Variants in CLCN5 observed in about 807,000 individuals in gnomAD.
CLCN5 encodes the protein Cl-/H+ antiporter 5, also known as H(+)/Cl(-) exchange transporter 5.
Under a neutral mutation model 54.0 loss-of-function variants are expected in CLCN5, and 17 were observed. The observed-to-expected ratio is 0.31, with a 90% CI of 0.22 to 0.47. The LOEUF (loss-of-function observed/expected upper bound fraction) is 0.47, where lower values mean the gene tolerates loss of function less well. Among genes scored for constraint, CLCN5 ranks in the 20% least tolerant of loss-of-function variants. The pLI is 1.00. For missense variants in CLCN5, 448 were observed against 646.7 expected (o/e 0.69, Z 3.33); for synonymous variants, 222 against 233.0 (o/e 0.95, Z 0.43).
intron 4 of CLCN5, among the ~76,000 whole-genome samples, chrX:50,066,289 A>C (rs1044434551): frequency 9.1e-6 from 1 of 110,137 alleles, no homozygotes; most frequent in Non-Finnish European, 1.9e-5. Context: ...TAATACAGTC[A>C]GTTGCCACTT....
chrX:50,060,645 G>GGAGCCCA (rs1932841531), intron 4 of CLCN5, among the ~76,000 whole-genome samples: 1 of 111,933 alleles, frequency 8.9e-6, no homozygotes, highest in East Asian at 2.8e-4. Context: ...CGAACTGGGT[G>GGAGCCCA]GAGCCCACCA....
rs113074833 is a variant in CLCN5 at position 49,997,169 on chromosome X, T to G, written c.17-45147T>G. Among the ~76,000 whole-genome samples the G allele has an allele frequency of 7.1e-5, 8 of 112,140 alleles. No homozygotes were observed. In the South Asian group the frequency reaches 1.1e-3, roughly 16 times the overall value. On this transcript the variant is annotated intron_variant, in intron 3 of 14. Coordinates refer to ENST00000376091, the MANE Select transcript of CLCN5 (RefSeq NM_001127898.4). ...AAGATGTATCTCAGAGAACTTTTCA[T>G]AGGACTCTTACTTGATGTAGACCCT...
chrX:49,981,944 G>A (rs1293605645), intron 3 of CLCN5, among the ~76,000 whole-genome samples: 1 of 110,395 alleles, frequency 9.1e-6, no homozygotes, highest in African/African-American at 3.3e-5. Context: ...TGTATTGGAG[G>A]GGATCTGGGG....
At chrX:49,987,370 C>T (rs1179356131) in intron 3 of CLCN5, among the ~76,000 whole-genome samples, 3 of 112,006 alleles carry the variant, frequency 2.7e-5, no homozygotes, top group Non-Finnish European at 5.6e-5. Context: ...GTAAGCAGTA[C>T]ATTTCTCATA....
At chrX:49,972,223 T>C (rs1312481189) in intron 3 of CLCN5, among the ~76,000 whole-genome samples, 1 of 108,456 alleles carries the variant, frequency 9.2e-6, no homozygotes, top group Non-Finnish European at 1.9e-5. Context: ...CCCCAAATAA[T>C]TGAGTATGTA....
intron 3 of CLCN5, among the ~76,000 whole-genome samples, chrX:49,959,306 G>C (rs1436970436): frequency 3.6e-5 from 4 of 111,640 alleles, no homozygotes; most frequent in African/African-American, 1.3e-4. Flanking sequence ...CTTCTTTCTT[G>C]GTCAAACTTA....
At chrX:50,076,020 C>T (rs1557192101) in intron 7 of CLCN5, 38 bp downstream of exon 7, 5 of 1,113,791 alleles carry the variant, frequency 4.5e-6, no homozygotes, top group Non-Finnish European at 6.2e-6. Context: ...ATTGACTTTT[C>T]TTCTTACATT....
intron 4 of CLCN5, among the ~76,000 whole-genome samples, chrX:50,055,858 G>A (rs1298796752): frequency 9.1e-6 from 1 of 110,067 alleles, no homozygotes; most frequent in Non-Finnish European, 1.9e-5. Flanking sequence ...CATATAATAT[G>A]TCTGGGATAC....
chrX:50,029,986 G>GC (rs1931615287), intron 3 of CLCN5, among the ~76,000 whole-genome samples: 1 of 112,122 alleles, frequency 8.9e-6, no homozygotes, highest in South Asian at 3.7e-4. Flanking sequence ...TTACCCCAGT[G>GC]CCATAAGGTT....
Position 50,096,521 on chromosome X carries a change from G to C in CLCN5, c.*4302G>C, listed in dbSNP as rs1934266581. ...TTTAGTAGAGACGGGGTTTCACCAT[G>C]TTGGCCAGGATGGTCTCGATCTCTT... is the stretch of plus-strand genomic sequence containing the variant. On this transcript the variant is annotated 3_prime_UTR_variant, in exon 15 of 15. Transcript: ENST00000376091. The C allele has an allele frequency of 9.0e-6, 1 of 111,687 alleles. No individual in the cohort carries two copies. The highest frequency in any genetic ancestry group is 1.9e-5 in the Non-Finnish European group (1 of 53,032). The allele number at this position is 111,687 out of a possible 1,213,427, so 9.2% of individuals were successfully genotyped here.
At chrX:50,039,362 A>T (rs1932123905) in intron 3 of CLCN5, among the ~76,000 whole-genome samples, 1 of 111,998 alleles carries the variant, frequency 8.9e-6, no homozygotes, top group African/African-American at 3.2e-5. Context: ...TATACTTTAT[A>T]TAGATCCTGA....
intron 3 of CLCN5, chrX:50,003,620 T>C (rs57733751): frequency 0.04 from 13,144 of 328,928 alleles, 1,433 homozygotes; most frequent in African/African-American, 0.32. Context: ...TGCATGTGTA[T>C]ATACACATAC....
intron 4 of CLCN5, among the ~76,000 whole-genome samples, chrX:50,068,779 C>T (rs1028961765): frequency 4.5e-5 from 5 of 111,284 alleles, no homozygotes; most frequent in African/African-American, 9.8e-5. Flanking sequence ...AGCCTTGTCC[C>T]TGCCAAGGTT....
chrX:49,999,039 C>T (rs982523757), intron 3 of CLCN5, among the ~76,000 whole-genome samples: 3 of 108,256 alleles, frequency 2.8e-5, no homozygotes, highest in African/African-American at 1.0e-4. Context: ...CACCCAGCAT[C>T]CAGAGTCGAG....
intron 3 of CLCN5, among the ~76,000 whole-genome samples, chrX:49,956,969 A>G (rs782417997): frequency 9.0e-6 from 1 of 111,534 alleles, no homozygotes; most frequent in Non-Finnish European, 1.9e-5. Flanking sequence ...GAGCACAACA[A>G]TAATATAATA....
At chrX:49,924,689 G>C (rs1925252359) in intron 2 of CLCN5, among the ~76,000 whole-genome samples, 1 of 111,529 alleles carries the variant, frequency 9.0e-6, no homozygotes, top group Non-Finnish European at 1.9e-5. Flanking sequence ...CTACTCAAAG[G>C]GTATCATCAC....
intron 3 of CLCN5, chrX:50,014,600 C>T: frequency 2.8e-6 from 1 of 356,837 alleles, no homozygotes; most frequent in South Asian, 2.6e-5. Context: ...TTCTGCCCTG[C>T]TCCCCCTCTC....
intron 3 of CLCN5, chrX:50,008,519 T>C (rs1557181926): frequency 2.8e-6 from 1 of 352,113 alleles, no homozygotes; most frequent in East Asian, 7.8e-5. Context: ...GAGAGCTTCA[T>C]CTTCGTGTAG....
intron 3 of CLCN5, among the ~76,000 whole-genome samples, chrX:50,028,945 ATATAC>A (rs1340852211): frequency 4.5e-5 from 5 of 111,800 alleles, no homozygotes; most frequent in Admixed American, 9.5e-5. Flanking sequence ...TCTGGGACAA[ATATAC>A]TATTCTATGT....
Sources: allele counts gnomAD v4.1 joint callset (sites outside exome capture counted in the v4.1 genomes callset), GRCh38; gene constraint gnomAD v4.1.1; transcripts MANE v1.5; gene names NCBI Gene and HGNC (gene_info 2026-07-23, HGNC 2026-07-21).